RBM27: variants seen among roughly 807,000 people sequenced by gnomAD.
RBM27 encodes the protein RNA-binding protein 27.
Under a neutral mutation model 135.3 loss-of-function variants are expected in RBM27, and 22 were observed. The ratio of observed to expected loss-of-function variants is 0.16; its 90% CI spans 0.12 to 0.23. The LOEUF (loss-of-function observed/expected upper bound fraction) is 0.23, where lower values mean the gene tolerates loss of function less well. Ranked by LOEUF, RBM27 falls within the 10% of genes least tolerant of loss-of-function variation. The pLI is 1.00. For synonymous variants in RBM27, 481 were observed against 442.4 expected (o/e 1.09, Z -1.10); for missense variants, 1,009 against 1,281.0 (o/e 0.79, Z 3.24).
chr5:146,262,287 T>C (rs943699065), intron 13 of RBM27, among the ~76,000 whole-genome samples: 8 of 127,208 alleles, frequency 6.3e-5, no homozygotes, highest in Admixed American at 2.5e-4. Flanking sequence ...TGTAGAGCTA[T>C]TTATTTTTTA....
rs771746288 is a variant in RBM27 at position 146,284,656 on chromosome 5, G to A, written c.3023G>A (p.Arg1008Gln). The A allele has an allele frequency of 3.1e-6, 5 of 1,612,960 alleles. No individual in the cohort carries two copies. Among genetic ancestry groups the A allele is most frequent in the Admixed American group, 1.7e-5 (1 of 59,900 alleles). ...CAAGGGCCAAAATTTAAAGACCGTC[G>A]GCTACAGATATCATGGCACAAGCCC... is the stretch of plus-strand genomic sequence containing the variant. Reference protein sequence around the residue: ...ANQGPKFKDRRLQISWHKPKV... With the variant: ...ANQGPKFKDRQLQISWHKPKV... The change falls in exon 20 of 21, where the codon CGG (arginine) becomes CAG (glutamine). Residue 1008 changes from arginine to glutamine, a missense_variant. Around this residue, in one of 6 missense-constraint regions of RBM27, gnomAD observed 355 missense variants for 427.3 expected, o/e 0.83. Transcript: ENST00000265271.
At position 146,203,629 on chromosome 5, in the gene RBM27, G is replaced by T. The variant is rs1755478311; in HGVS notation, c.-137G>T. ...TAGTTCCTGTTAGGCCCCGGCCGGG[G>T]GAGTAGGTTGAAGTCTCCTAAGATG... On this transcript the variant is annotated 5_prime_UTR_variant, in exon 1 of 21. Transcript: ENST00000265271. The T allele has an allele frequency of 2.7e-6, 2 of 750,290 alleles. No individual in the cohort carries two copies. Among genetic ancestry groups the T allele is most frequent in the African/African-American group, 1.8e-5 (1 of 55,652 alleles). 46.5% of individuals were successfully genotyped at this position (750,290 alleles called of 1,614,324 possible).
rs893192512 is a variant in RBM27, at chr5:146,289,146, A to C, written c.*3116A>C. On this transcript the variant is annotated 3_prime_UTR_variant, in exon 21 of 21. Coordinates refer to ENST00000265271, the MANE Select transcript of RBM27 (RefSeq NM_018989.2). Reference sequence around the variant, plus strand: ...GTTCACAATTGGAAAAAAAAAAGAAAAAAGATGAAAGTATTACAAATTTAA... The same window carrying C: ...GTTCACAATTGGAAAAAAAAAAGAACAAAGATGAAAGTATTACAAATTTAA... The C allele has an allele frequency of 3.3e-5, 5 of 152,126 alleles. No individual in the cohort carries two copies. The highest frequency in any genetic ancestry group is 7.4e-5 in the Non-Finnish European group (5 of 67,974). 9.4% of individuals were successfully genotyped at this position (152,126 alleles called of 1,614,324 possible).
rs142231939 is a variant in RBM27, at chr5:146,261,493, G to A, written c.1894-17G>A. The A allele has an allele frequency of 4.8e-5, 77 of 1,599,206 alleles. 1 individual carries two copies. In the East Asian group the frequency reaches 1.7e-3, roughly 35 times the overall value. Reference sequence around the variant, plus strand: ...TTTTCTGTTTTTGGGAATTTATATTGTTTTATTTTCTTCAAGGTTGCTTTT... The same window carrying A: ...TTTTCTGTTTTTGGGAATTTATATTATTTTATTTTCTTCAAGGTTGCTTTT... On this transcript the variant is annotated splice_polypyrimidine_tract_variant and intron_variant, in intron 12 of 20. Transcript: ENST00000265271.
chr5:146,258,251 G>A (rs1758209527), intron 10 of RBM27, among the ~76,000 whole-genome samples, 198 bp from the exon 11 acceptor site: 1 of 151,998 alleles, frequency 6.6e-6, no homozygotes, highest in Admixed American at 6.6e-5. Context: ...ATTACATCGA[G>A]GTTAACTTTG....
intron 8 of RBM27, among the ~76,000 whole-genome samples, chr5:146,238,250 T>C (rs1374256358): frequency 1.3e-5 from 2 of 152,176 alleles, no homozygotes; most frequent in East Asian, 3.8e-4. Flanking sequence ...GGCTCATGCC[T>C]GTAATCCTAG....
chr5:146,281,982 CCA>C (rs1347828979), intron 19 of RBM27, among the ~76,000 whole-genome samples: 7 of 150,084 alleles, frequency 4.7e-5, no homozygotes, highest in Non-Finnish European at 1.0e-4. Context: ...TATCAATATA[CCA>C]CAGTTTATTT....
chr5:146,211,536 C>A (rs1021087729), intron 1 of RBM27, among the ~76,000 whole-genome samples: 3 of 119,774 alleles, frequency 2.5e-5, no homozygotes, highest in African/African-American at 3.2e-5. Context: ...GGCTGGAGTG[C>A]AATGGCATGA....
At chr5:146,236,603 T>C (rs1757170078) in intron 7 of RBM27, among the ~76,000 whole-genome samples, 1 of 152,202 alleles carries the variant, frequency 6.6e-6, no homozygotes, top group Non-Finnish European at 1.5e-5. Context: ...AATGTGAGTA[T>C]CCAAGTTAGT....
chr5:146,254,458 T>G (rs1581204791), intron 9 of RBM27, among the ~76,000 whole-genome samples: 1 of 150,628 alleles, frequency 6.6e-6, no homozygotes, highest in African/African-American at 2.4e-5. Context: ...TTTCAAAAGG[T>G]GTGTCTAGAT....
intron 10 of RBM27, among the ~76,000 whole-genome samples, chr5:146,255,732 T>A (rs970718157): frequency 2.0e-5 from 3 of 152,184 alleles, no homozygotes; most frequent in African/African-American, 7.2e-5. Flanking sequence ...CTATTATGAA[T>A]TTCCAATATA....
chr5:146,249,411 C>T (rs1438810953), intron 8 of RBM27, among the ~76,000 whole-genome samples: 1 of 152,024 alleles, frequency 6.6e-6, no homozygotes, highest in Non-Finnish European at 1.5e-5. Flanking sequence ...TTGGGCTGGG[C>T]ACGGTGGCTC....
At chr5:146,279,399 A>G (rs1342731947) in intron 19 of RBM27, among the ~76,000 whole-genome samples, 3 of 151,924 alleles carry the variant, frequency 2.0e-5, no homozygotes, top group Non-Finnish European at 4.4e-5. Context: ...GTGAGCCGAG[A>G]TCGCGCCACT....
At chr5:146,206,893 A>AT (rs1430046161) in intron 1 of RBM27, among the ~76,000 whole-genome samples, 1 of 152,074 alleles carries the variant, frequency 6.6e-6, no homozygotes, top group Non-Finnish European at 1.5e-5. Context: ...TAGAATACTT[A>AT]TTTTTAACTC....
chr5:146,254,431 AT>A (rs66791963), intron 9 of RBM27, among the ~76,000 whole-genome samples: 35,068 of 145,486 alleles, frequency 0.24, 4,363 homozygotes, highest in Admixed American at 0.35. Flanking sequence ...TAATAGGAGC[AT>A]TTTTTTTTTT....
chr5:146,248,024 G>A (rs1757704294), intron 8 of RBM27, among the ~76,000 whole-genome samples: 1 of 152,006 alleles, frequency 6.6e-6, no homozygotes, highest in Non-Finnish European at 1.5e-5. Context: ...GAAGAGACAT[G>A]ATATATGTGT....
At chr5:146,220,489 A>AAAATAT (rs1554078215) in intron 2 of RBM27, among the ~76,000 whole-genome samples, 1 of 104,918 alleles carries the variant, frequency 9.5e-6, no homozygotes, top group African/African-American at 3.0e-5. Context: ...AAAAAAAAAA[A>AAAATAT]ATATATATAT....
intron 1 of RBM27, among the ~76,000 whole-genome samples, chr5:146,213,176 C>T (rs1756039888): frequency 6.6e-6 from 1 of 151,826 alleles, no homozygotes; most frequent in Non-Finnish European, 1.5e-5. Context: ...GATCTTGGCT[C>T]ACTGCAACCA....
At chr5:146,258,367 G>A in intron 10 of RBM27, 82 bp from the exon 11 acceptor site, 3 of 1,117,292 alleles carry the variant, frequency 2.7e-6, no homozygotes, top group Non-Finnish European at 3.6e-6. Context: ...GCTATTCATA[G>A]TAGTTTTTAG....
Sources: allele counts gnomAD v4.1 joint callset (sites outside exome capture counted in the v4.1 genomes callset), GRCh38; gene constraint gnomAD v4.1.1; regional missense constraint gnomAD v4.1.1; transcripts MANE v1.5; gene names NCBI Gene and HGNC (gene_info 2026-07-23, HGNC 2026-07-21).